The following KCNH8 variants were observed in gnomAD, a reference collection of about 807,000 sequenced individuals.
KCNH8 encodes the protein potassium voltage-gated channel subfamily H member 8, also known as voltage-gated delayed rectifier potassium channel KCNH8.
In KCNH8, 70 loss-of-function variants were observed where a neutral mutation model predicts 103.6. The ratio of observed to expected loss-of-function variants is 0.68; its 90% CI spans 0.56 to 0.82. The LOEUF (loss-of-function observed/expected upper bound fraction) is 0.82. Among genes scored for constraint, KCNH8 ranks in the 40% least tolerant of loss-of-function variants. The pLI is 0.00. For missense variants in KCNH8, 1,217 were observed against 1,329.9 expected (o/e 0.92, Z 1.32); for synonymous variants, 498 against 489.4 (o/e 1.02, Z -0.23).
At chr3:19,510,649 A>G (rs1184771151) in intron 12 of KCNH8, among the ~76,000 whole-genome samples, 1 of 152,202 alleles carries the variant, frequency 6.6e-6, no homozygotes, top group Admixed American at 6.5e-5. Context: ...TGCCAAATGT[A>G]AAGTCCTAAG....
At chr3:19,382,734 G>A (rs1008520632) in intron 5 of KCNH8, among the ~76,000 whole-genome samples, 5 of 151,984 alleles carry the variant, frequency 3.3e-5, no homozygotes, top group Admixed American at 1.3e-4. Context: ...AGTTGGACTC[G>A]AAATTCTACA....
intron 7 of KCNH8, among the ~76,000 whole-genome samples, chr3:19,420,484 C>A (rs1197959646): frequency 6.6e-6 from 1 of 152,062 alleles, no homozygotes; most frequent in Non-Finnish European, 1.5e-5. Flanking sequence ...TTATCATCTG[C>A]CCATAAAATC....
At chr3:19,298,778 C>T (rs1212735623) in intron 3 of KCNH8, among the ~76,000 whole-genome samples, 3 of 151,846 alleles carry the variant, frequency 2.0e-5, no homozygotes, top group Non-Finnish European at 4.4e-5. Context: ...AAAAATTAGC[C>T]GGGCCTGGTG....
intron 1 of KCNH8, among the ~76,000 whole-genome samples, chr3:19,175,633 A>T (rs1000041424): frequency 1.3e-5 from 2 of 152,122 alleles, no homozygotes; most frequent in Admixed American, 6.5e-5. Flanking sequence ...CTGTTTTATG[A>T]TTATTTTTCC....
intron 10 of KCNH8, among the ~76,000 whole-genome samples, chr3:19,452,682 C>G (rs192113221): frequency 6.6e-6 from 1 of 152,096 alleles, no homozygotes. Flanking sequence ...ACTTTATTTT[C>G]AATTTTTAAG....
At chr3:19,427,854 G>A (rs996092565) in intron 7 of KCNH8, among the ~76,000 whole-genome samples, 7 of 152,170 alleles carry the variant, frequency 4.6e-5, no homozygotes, top group African/African-American at 1.7e-4. Flanking sequence ...ACAGTAAGTA[G>A]ACAGTAGACA....
At chr3:19,339,638 T>C (rs548626872) in intron 3 of KCNH8, among the ~76,000 whole-genome samples, 3 of 152,274 alleles carry the variant, frequency 2.0e-5, no homozygotes, top group African/African-American at 7.2e-5. Flanking sequence ...AAATCTACTT[T>C]TAGTGATTCA....
At chr3:19,429,149 G>A (rs1446524940) in intron 7 of KCNH8, among the ~76,000 whole-genome samples, 1 of 144,146 alleles carries the variant, frequency 6.9e-6, no homozygotes, top group Non-Finnish European at 1.5e-5. Flanking sequence ...ATGCATATGA[G>A]TCAGAATCCA....
intron 1 of KCNH8, among the ~76,000 whole-genome samples, chr3:19,239,633 G>GGAAT (rs1164435201): frequency 7.2e-6 from 1 of 138,710 alleles, no homozygotes; most frequent in Non-Finnish European, 1.5e-5. Flanking sequence ...GTAGAATGAT[G>GGAAT]GAATCTATCT....
At chr3:19,200,685 A>G (rs896168426) in intron 1 of KCNH8, among the ~76,000 whole-genome samples, 2 of 152,086 alleles carry the variant, frequency 1.3e-5, no homozygotes, top group African/African-American at 4.8e-5. Context: ...CCTATGGTAT[A>G]TACTATTGTC....
rs542375026 is a variant in KCNH8, at chr3:19,158,050, G to A, written c.76+9255G>A. On this transcript the variant is annotated intron_variant, in intron 1 of 15. Coordinates refer to ENST00000328405, the MANE Select transcript of KCNH8 (RefSeq NM_144633.3). ...TTTCATTTTTGTGGGTACATAGTAG[G>A]TGTATAATTTTTAAAACATATCCCA... Among the ~76,000 whole-genome samples the A allele has an allele frequency of 7.3e-5, 11 of 151,310 alleles. No homozygotes were observed. In the South Asian group the frequency reaches 2.3e-3, roughly 32 times the overall value.
intron 3 of KCNH8, among the ~76,000 whole-genome samples, chr3:19,334,510 C>CAT (rs745453167): frequency 2.0e-5 from 3 of 151,902 alleles, no homozygotes; most frequent in African/African-American, 4.8e-5. Context: ...ATAATGATTA[C>CAT]ATATATATAT....
chr3:19,281,098 G>A, intron 2 of KCNH8, 100 bp from the exon 3 acceptor site: 1 of 1,302,188 alleles, frequency 7.7e-7, no homozygotes, highest in Non-Finnish European at 1.1e-6. Flanking sequence ...TGGGATTGAA[G>A]AAAACACTAA....
At chr3:19,381,941 T>C (rs1363945779) in intron 5 of KCNH8, among the ~76,000 whole-genome samples, 1 of 152,158 alleles carries the variant, frequency 6.6e-6, no homozygotes, top group Admixed American at 6.6e-5. Flanking sequence ...ACAGTGGTTA[T>C]ATTTTGAAAG....
chr3:19,212,339 C>G (rs952932265), intron 1 of KCNH8, among the ~76,000 whole-genome samples: 5 of 152,294 alleles, frequency 3.3e-5, no homozygotes, highest in African/African-American at 1.2e-4. Flanking sequence ...AACTTCTATT[C>G]TTCAACATAC....
chr3:19,277,703 C>T (rs2064694297), intron 2 of KCNH8, among the ~76,000 whole-genome samples: 2 of 152,102 alleles, frequency 1.3e-5, no homozygotes, highest in Non-Finnish European at 1.5e-5. Flanking sequence ...GGACATTCCA[C>T]CAGATTTAAG....
chr3:19,202,080 C>T (rs750762115), intron 1 of KCNH8, among the ~76,000 whole-genome samples: 1 of 152,022 alleles, frequency 6.6e-6, no homozygotes, highest in African/African-American at 2.4e-5. Flanking sequence ...GCACCAAATT[C>T]GTTGAGTTAG....
chr3:19,170,546 C>G (rs1355111483), intron 1 of KCNH8, among the ~76,000 whole-genome samples: 3 of 148,772 alleles, frequency 2.0e-5, no homozygotes, highest in African/African-American at 5.0e-5. Flanking sequence ...CTTCAATGTT[C>G]AGTCTTCCTT....
chr3:19,338,369 C>A (rs2065613669), intron 3 of KCNH8, among the ~76,000 whole-genome samples: 1 of 152,020 alleles, frequency 6.6e-6, no homozygotes, highest in South Asian at 2.1e-4. Flanking sequence ...AGCCCTCGGT[C>A]ATCCATATCA....
Sources: gnomAD v4.1 joint callset for allele counts (sites outside exome capture counted in the v4.1 genomes callset) on GRCh38, gnomAD v4.1.1 for gene constraint, MANE v1.5 for transcripts, NCBI Gene and HGNC (gene_info 2026-07-23, HGNC 2026-07-21) for gene names.